The following GKAP1 variants were observed in gnomAD, a reference collection of about 807,000 sequenced individuals.
GKAP1 encodes the protein G kinase anchoring protein 1, also known as G kinase-anchoring protein 1.
In GKAP1, 31 loss-of-function variants were observed where a neutral mutation model predicts 56.7. That is an observed-to-expected ratio of 0.55 (90% CI 0.41 to 0.74). The LOEUF is 0.74. Ranked by LOEUF, GKAP1 falls within the 30% of genes least tolerant of loss-of-function variation. GKAP1 has a pLI of 0.00. For missense variants in GKAP1, 364 were observed against 402.3 expected, an observed-to-expected ratio of 0.90 and a Z score of 0.82; for synonymous variants, 151 against 138.6, an observed-to-expected ratio of 1.09 and a Z score of -0.63.
intron 8 of GKAP1, among the ~76,000 whole-genome samples, chr9:83,754,268 C>G (rs1231700073): frequency 6.6e-6 from 1 of 152,000 alleles, no homozygotes; most frequent in Non-Finnish European, 1.5e-5. Flanking sequence ...AGGTTAAATC[C>G]CTGTCATCTT....
intron 12 of GKAP1, among the ~76,000 whole-genome samples, chr9:83,741,589 T>C (rs1943209963): frequency 6.6e-6 from 1 of 152,040 alleles, no homozygotes; most frequent in East Asian, 1.9e-4. Context: ...ATATTAATTA[T>C]AAAAGGGAAA....
intron 4 of GKAP1, among the ~76,000 whole-genome samples, chr9:83,793,942 G>A (rs1186198233): frequency 6.6e-6 from 1 of 152,132 alleles, no homozygotes; most frequent in Non-Finnish European, 1.5e-5. Context: ...TGAGGTATGT[G>A]GACTGCTTGA....
intron 4 of GKAP1, among the ~76,000 whole-genome samples, chr9:83,794,146 G>A (rs1463423278): frequency 6.6e-6 from 1 of 152,226 alleles, no homozygotes; most frequent in Non-Finnish European, 1.5e-5. Flanking sequence ...CAGCTTGGGC[G>A]ATGGGAGTAA....
chr9:83,808,882 TTC>T (rs1314455478), intron 2 of GKAP1, among the ~76,000 whole-genome samples: 1 of 152,218 alleles, frequency 6.6e-6, no homozygotes, highest in Admixed American at 6.5e-5. Context: ...GTTCAACATG[TTC>T]TCTTTTCCCT....
intron 9 of GKAP1, among the ~76,000 whole-genome samples, chr9:83,751,271 A>C (rs1167598201): frequency 6.6e-6 from 1 of 152,196 alleles, no homozygotes; most frequent in Non-Finnish European, 1.5e-5. Flanking sequence ...ATGCCTTTGT[A>C]CATACAATTC....
chr9:83,762,496 C>T (rs1310145551), intron 8 of GKAP1, among the ~76,000 whole-genome samples: 1 of 152,080 alleles, frequency 6.6e-6, no homozygotes, highest in Non-Finnish European at 1.5e-5. Context: ...TCTACAGATT[C>T]AATGCAATCC....
In GKAP1 at chr9:83,748,329, T is replaced by C; in HGVS notation, c.884A>G (p.Lys295Arg). The change falls in exon 10 of 13, where the codon AAA (lysine) becomes AGA (arginine). Residue 295 changes from lysine (K) to arginine (R), a missense_variant. Transcript: ENST00000376371. ...CTTACTTTCACCTTCCTGAAGCATTTTCAATAATTGTGCATTTCTTGCCTT... is the reference window on the plus strand; with the variant it reads ...CTTACTTTCACCTTCCTGAAGCATTCTCAATAATTGTGCATTTCTTGCCTT... Reference protein sequence around the residue: ...EVKARNAQLLKMLQEGEMKDK... With the variant: ...EVKARNAQLLRMLQEGEMKDK... The C allele has an allele frequency of 6.3e-7, 1 of 1,598,710 alleles. No individual in the cohort carries two copies. The highest frequency in any genetic ancestry group is 1.7e-5 in the Admixed American group (1 of 58,802).
intron 8 of GKAP1, among the ~76,000 whole-genome samples, chr9:83,758,195 T>C (rs1943508414): frequency 6.6e-6 from 1 of 152,074 alleles, no homozygotes; most frequent in Admixed American, 6.6e-5. Context: ...TCAATTATTA[T>C]CTTAAAAAAT....
In GKAP1 at chr9:83,817,766, G is replaced by C. The variant is rs1277986304; in HGVS notation, c.-425C>G. The C allele has an allele frequency of 6.6e-6, 1 of 152,104 alleles. No homozygotes were observed. The highest frequency in any genetic ancestry group is 1.9e-4 in the East Asian group (1 of 5,130). The allele number at this position is 152,104 out of a possible 1,614,324, so 9.4% of individuals were successfully genotyped here. A position where few individuals can be genotyped will look rare whatever the true frequency, so the allele number is the denominator to read the frequency against. On this transcript the variant is annotated 5_prime_UTR_variant, in exon 1 of 13. Coordinates refer to ENST00000376371, the MANE Select transcript of GKAP1 (RefSeq NM_025211.4). The stretch of plus-strand genomic sequence containing the variant: ...CAGGCTGCGGTGAGGGGCGGGGAGA[G>C]CGCGGCTGAGAGCAGGCGGGCGGGC...
At chr9:83,786,936 A>G (rs528674193) in intron 5 of GKAP1, among the ~76,000 whole-genome samples, 43 of 152,340 alleles carry the variant, frequency 2.8e-4, no homozygotes, top group Middle Eastern at 6.8e-3. Context: ...TCACCTTTGT[A>G]TAATATTCTA....
rs369908835 is a variant in GKAP1, at chr9:83,815,996, G to T, written c.-44+1000C>A. Reference sequence around the variant, plus strand: ...AGGTCAGGAGTTCCAGACCAGCCTGGCCAACAAGGCGAAACACCGTCTGTA... The same window carrying T: ...AGGTCAGGAGTTCCAGACCAGCCTGTCCAACAAGGCGAAACACCGTCTGTA... On this transcript the variant is annotated intron_variant, in intron 2 of 12. Transcript: ENST00000376371. Among the ~76,000 whole-genome samples the T allele has an allele frequency of 4.3e-5, 6 of 140,928 alleles. No homozygotes were observed. In the South Asian group the frequency reaches 1.3e-3, roughly 31 times the overall value. The allele number at this position is 140,928 out of a possible 152,430, so 92.5% of individuals were successfully genotyped here. A position where few individuals can be genotyped will look rare whatever the true frequency, so the allele number is the denominator to read the frequency against.
At chr9:83,743,412 T>C (rs1468306946) in intron 10 of GKAP1, among the ~76,000 whole-genome samples, 1 of 151,892 alleles carries the variant, frequency 6.6e-6, no homozygotes, top group Non-Finnish European at 1.5e-5. Context: ...CTGGCCAACA[T>C]GGCAAAATCC....
At chr9:83,776,110 G>T (rs1943857168) in intron 7 of GKAP1, among the ~76,000 whole-genome samples, 1 of 151,944 alleles carries the variant, frequency 6.6e-6, no homozygotes, top group Non-Finnish European at 1.5e-5. Context: ...CAACTATGAG[G>T]TCAACTCTCC....
chr9:83,776,115 C>T (rs1943857295), intron 7 of GKAP1, among the ~76,000 whole-genome samples: 1 of 152,010 alleles, frequency 6.6e-6, no homozygotes, highest in Non-Finnish European at 1.5e-5. Context: ...ATGAGGTCAA[C>T]TCTCCCCCTA....
At chr9:83,770,988 C>G (rs776368315) in intron 7 of GKAP1, among the ~76,000 whole-genome samples, 1 of 152,174 alleles carries the variant, frequency 6.6e-6, no homozygotes, top group Admixed American at 6.5e-5. Flanking sequence ...AGAAAAGGAG[C>G]ATTTCCTCTT....
chr9:83,817,588 C>T lies in GKAP1; in HGVS notation c.-247G>A, dbSNP rs1160395723. The stretch of plus-strand genomic sequence containing the variant: ...CGCCGCCGCCTCTCCCGCGGCTCCC[C>T]GGGCGGCCGCACTGGGCGTTGGGAC... On this transcript the variant is annotated 5_prime_UTR_variant, in exon 1 of 13. Transcript: ENST00000376371. 6.6e-6 allele frequency: 1 copy of T among 151,744 alleles called. No homozygotes were observed. Among genetic ancestry groups the T allele is most frequent in the Non-Finnish European group, 1.5e-5 (1 of 68,050 alleles). 9.4% of individuals were successfully genotyped at this position (151,744 alleles called of 1,614,324 possible).
intron 3 of GKAP1, among the ~76,000 whole-genome samples, chr9:83,804,101 C>T (rs1201998346): frequency 6.6e-5 from 10 of 151,320 alleles, no homozygotes; most frequent in African/African-American, 2.4e-4. Flanking sequence ...GCCCGGCAGC[C>T]GCCCCGTCCG....
chr9:83,788,030 C>G (rs1186975111), intron 5 of GKAP1, among the ~76,000 whole-genome samples: 1 of 152,176 alleles, frequency 6.6e-6, no homozygotes, highest in African/African-American at 2.4e-5. Flanking sequence ...GTAATCCCAG[C>G]ACTTTGGGAG....
At chr9:83,782,660 C>G (rs987707430) in intron 6 of GKAP1, among the ~76,000 whole-genome samples, 3 of 117,446 alleles carry the variant, frequency 2.6e-5, no homozygotes, top group Admixed American at 9.3e-5. Context: ...CGCGCCCAGC[C>G]TTTTTTTTTT....
Sources: gnomAD v4.1 joint callset for allele counts (sites outside exome capture counted in the v4.1 genomes callset) on GRCh38, gnomAD v4.1.1 for gene constraint, MANE v1.5 for transcripts, NCBI Gene and HGNC (gene_info 2026-07-23, HGNC 2026-07-21) for gene names.